Variants in C16orf46 observed in about 807,000 individuals in gnomAD.
The protein encoded by C16orf46 is uncharacterized protein C16orf46.
C16orf46 carries 7 observed loss-of-function variants against 5.5 expected under a neutral mutation model. The observed-to-expected ratio is 1.28, with a 90% confidence interval of 0.73 to 2.40. The LOEUF (loss-of-function observed/expected upper bound fraction) is 2.40, where lower values mean the gene tolerates loss of function less well. C16orf46 is among the 30% of genes most tolerant of loss of function. The pLI is 0.00. For synonymous variants in C16orf46, 200 were observed against 184.1 expected, an observed-to-expected ratio of 1.09 and a Z score of -0.70; for missense variants, 614 against 476.0, an observed-to-expected ratio of 1.29 and a Z score of -2.70.
At chr16:81,060,862 A>G (rs1201095489), downstream of C16orf46, 5 of 588,702 alleles carry the variant, frequency 8.5e-6, no homozygotes, top group Non-Finnish European at 1.2e-5. Context: ...GGGAGTGGAC[A>G]TGAAGCAGGC....
In C16orf46 at chr16:81,063,949, G is replaced by A. The variant is rs201201027; in HGVS notation, c.7C>T (p.Leu3Phe). 2 of 1,609,786 alleles carry A rather than the reference G, an allele frequency of 1.2e-6. No individual in the cohort carries two copies. Among genetic ancestry groups the A allele is most frequent in the East Asian group, 2.2e-5 (1 of 44,850 alleles). Residue 3 changes from leucine (L) to phenylalanine (F), a missense_variant, in exon 3 of 4, where the codon CTC becomes TTC. Physicochemically the swap from Leu to Phe is conservative, Grantham distance 22. Transcript: ENST00000299578. ...AAGTCAGTCTCATTTTTCTGACAGAGATCCATTACTGTGATGCTTGCTTAA... is the reference window on the plus strand; with the variant it reads ...AAGTCAGTCTCATTTTTCTGACAGAAATCCATTACTGTGATGCTTGCTTAA... MD[L>F]CQKNETDLEN...
intron 1 of C16orf46, among the ~76,000 whole-genome samples, chr16:81,069,371 G>A (rs943102648): frequency 1.3e-5 from 2 of 152,142 alleles, no homozygotes; most frequent in Admixed American, 6.6e-5. Flanking sequence ...GTTCCACATT[G>A]TCCTCACTCC....
chr16:81,061,162 C>T lies in C16orf46; in HGVS notation c.1187G>A (p.Ter396=), dbSNP rs112688764. ...IIPVSTHRIL[*] ...TCCCAGGGGTTCTACCGCAACCGCT[C>T]AGAGGATCCTGTGGGTAGAGACAGG... is the stretch of plus-strand genomic sequence containing the variant. The change falls in exon 4 of 4, where the codon TGA becomes TAA. Residue 396 remains the stop codon, a stop_retained_variant. Transcript: ENST00000299578. The T allele has an allele frequency of 2.2e-5, 35 of 1,600,952 alleles. No individual in the cohort carries two copies. In the African/African-American group the frequency reaches 2.3e-4, roughly 10 times the overall value.
chr16:81,058,187 C>G (rs1323938800), downstream of C16orf46: 3 of 152,320 alleles, frequency 2.0e-5, no homozygotes, highest in Non-Finnish European at 4.4e-5. Flanking sequence ...ATTTTATAGG[C>G]AAAGGCAGAA....
At chr16:81,062,562 C>T (rs1971521474) in intron 3 of C16orf46, among the ~76,000 whole-genome samples, 2 of 152,120 alleles carry the variant, frequency 1.3e-5, no homozygotes, top group Non-Finnish European at 2.9e-5. Flanking sequence ...CTTGTCCCAC[C>T]AACAAGGATT....
At chr16:81,059,995 A>G (rs182400069), downstream of C16orf46, among the ~76,000 whole-genome samples, 12 of 151,646 alleles carry the variant, frequency 7.9e-5, no homozygotes, top group East Asian at 2.3e-3. Context: ...TCACCGTGTT[A>G]GCCAGGATGG....
intron 1 of C16orf46, among the ~76,000 whole-genome samples, chr16:81,069,355 G>C (rs1420160898): frequency 6.6e-6 from 1 of 152,198 alleles, no homozygotes. Flanking sequence ...TGATGTCTGG[G>C]ACTCTGTTCC....
At chr16:81,077,067 T>C (rs1278467535) in intron 1 of C16orf46, 69 bp downstream of exon 1, 1 of 152,344 alleles carries the variant, frequency 6.6e-6, no homozygotes, top group East Asian at 1.9e-4. Context: ...GCAGGGACTC[T>C]CGCTCTGTCG....
chr16:81,054,029 C>A (rs767465608), exon 4 of C16orf46: 2 of 1,586,526 alleles, frequency 1.3e-6, no homozygotes, highest in Admixed American at 3.3e-5. Flanking sequence ...TACATCTCAA[C>A]CGTGTTGCTG....
chr16:81,062,678 C>T (rs1035128652), intron 3 of C16orf46, among the ~76,000 whole-genome samples: 2 of 152,094 alleles, frequency 1.3e-5, no homozygotes, highest in African/African-American at 4.8e-5. Context: ...CAGAGGAGCC[C>T]TGCGTACCCA....
chr16:81,060,891 G>A (rs1265289782), downstream of C16orf46: 7 of 974,998 alleles, frequency 7.2e-6, no homozygotes, highest in East Asian at 2.9e-4. Context: ...GGGCTGGCAA[G>A]ACCAATTGGC....
exon 4 of C16orf46, chr16:81,053,919 G>A (rs1217131475): frequency 2.4e-5 from 18 of 746,928 alleles, no homozygotes; most frequent in Admixed American, 1.4e-4. Context: ...TGCTCCAAAC[G>A]TGGCGTCTTC....
chr16:81,062,879 C>CTTTTTTTTTTTT (rs35694573), intron 3 of C16orf46, among the ~76,000 whole-genome samples: 2 of 138,366 alleles, frequency 1.4e-5, no homozygotes, highest in Non-Finnish European at 3.1e-5. Flanking sequence ...TAGTTTTATG[C>CTTTTTTTTTTTT]TTTTTTTTTT....
intron 1 of C16orf46, among the ~76,000 whole-genome samples, chr16:81,066,809 A>G (rs1161511950): frequency 6.6e-6 from 1 of 152,204 alleles, no homozygotes; most frequent in Admixed American, 6.5e-5. Context: ...ACCAGGATAA[A>G]GCATACATCA....
Position 81,061,604 on chromosome 16 carries a change from C to T in C16orf46, c.745G>A (p.Val249Met), listed in dbSNP as rs766150963. 2 of 1,614,208 alleles carry T rather than the reference C, an allele frequency of 1.2e-6. No homozygotes were observed. The highest frequency in any genetic ancestry group is 1.7e-6 in the Non-Finnish European group (2 of 1,180,042). ...GTTTTCAAGCCATATGCATAAGCCA[C>T]ACACCCATCCTTTTCCACATCCAGC... ...KVLDVEKDGC[V>M]AYAYGLKTAD... The change falls in exon 4 of 4, where the codon GTG becomes ATG. Residue 249 changes from valine to methionine, a missense_variant. Val to Met is a conservative substitution (Grantham distance 21). Coordinates refer to ENST00000299578, the MANE Select transcript of C16orf46 (RefSeq NM_152337.3).
chr16:81,070,831 A>G (rs756104355), intron 1 of C16orf46, among the ~76,000 whole-genome samples: 1 of 152,100 alleles, frequency 6.6e-6, no homozygotes, highest in Non-Finnish European at 1.5e-5. Flanking sequence ...TTATGATCTT[A>G]TAAGTCACTC....
At chr16:81,076,875 G>A (rs965232214) in intron 1 of C16orf46, 6 of 152,282 alleles carry the variant, frequency 3.9e-5, no homozygotes, top group Non-Finnish European at 7.3e-5. Context: ...ATCCCATTCA[G>A]AAAAGCGTTC....
downstream of C16orf46, among the ~76,000 whole-genome samples, chr16:81,057,033 G>A (rs79834398): frequency 0.076 from 11,519 of 152,082 alleles, 494 homozygotes; most frequent in East Asian, 0.2. Context: ...GTCATGACTG[G>A]GGATGGTATT....
intron 3 of C16orf46, chr16:81,054,206 C>G (rs1307565344): frequency 1.1e-6 from 1 of 945,190 alleles, no homozygotes. Context: ...ACCATGAAGA[C>G]TGCCCTCAAT....
Sources: gnomAD v4.1 joint callset for allele counts (sites outside exome capture counted in the v4.1 genomes callset) on GRCh38, gnomAD v4.1.1 for gene constraint, MANE v1.5 for transcripts, NCBI Gene and HGNC (gene_info 2026-07-23, HGNC 2026-07-21) for gene names.